Variants in AK9 observed in about 807,000 individuals in gnomAD.
The protein encoded by AK9 is adenylate kinase domain containing 1.
In AK9, 191 loss-of-function variants were observed where a neutral mutation model predicts 239.6. The ratio of observed to expected loss-of-function variants is 0.80; its 90% confidence interval spans 0.71 to 0.90. The LOEUF is 0.90. AK9 is among the 40% of genes least tolerant of loss of function. The pLI, the probability that AK9 is intolerant of heterozygous loss-of-function variation, is 0.00. For missense variants in AK9, 1,995 were observed against 2,214.7 expected (o/e 0.90, Z 1.99); for synonymous variants, 689 against 721.0 (o/e 0.96, Z 0.71).
intron 17 of AK9, among the ~76,000 whole-genome samples, chr6:109,592,980 T>G (rs1790490200): frequency 6.6e-6 from 1 of 152,160 alleles, no homozygotes; most frequent in East Asian, 1.9e-4. Flanking sequence ...TTTTACTTTT[T>G]CTTCTTCTCC....
At chr6:109,686,844 C>T (rs1025746772) in intron 1 of AK9, among the ~76,000 whole-genome samples, 6 of 152,190 alleles carry the variant, frequency 3.9e-5, no homozygotes, top group Non-Finnish European at 7.3e-5. Flanking sequence ...AAGTCAAGTC[C>T]TAAAGTCAGG....
chr6:109,685,440 G>A (rs1773364043), intron 1 of AK9, among the ~76,000 whole-genome samples: 1 of 152,190 alleles, frequency 6.6e-6, no homozygotes, highest in African/African-American at 2.4e-5. Flanking sequence ...GGACATGGAT[G>A]AAGCTGGAAA....
chr6:109,608,824 C>G (rs1793235772), intron 17 of AK9, among the ~76,000 whole-genome samples: 2 of 151,988 alleles, frequency 1.3e-5, no homozygotes, highest in Admixed American at 6.6e-5. Flanking sequence ...AATACATAAA[C>G]AACACATGAA....
intron 17 of AK9, 133 bp from the exon 18 acceptor site, chr6:109,586,205 A>G (rs1387708104): frequency 1.2e-6 from 1 of 825,554 alleles, no homozygotes; most frequent in Non-Finnish European, 1.8e-6. Context: ...AAAGGGTGAC[A>G]ATTTTTAAAG....
Position 109,497,326 on chromosome 6 carries a change from TCACACACACACACA to T in AK9, c.5315+125_5315+138del, listed in dbSNP as rs141968479. Reference sequence around the variant, plus strand: ...TGGGATGGCAGGGACCAGTGCTTGTTCACACACACACACACACACACACACACACACACACACTC... The same window carrying T: ...TGGGATGGCAGGGACCAGTGCTTGTTCACACACACACACACACACACACTC... On this transcript the variant is annotated intron_variant, in intron 38 of 40. Transcript: ENST00000424296. 1,243 of 421,794 alleles carry T rather than the reference TCACACACACACACA, an allele frequency of 2.9e-3. 15 individuals are homozygous for T. The highest frequency in any genetic ancestry group is 0.029 in the African/African-American group (1,116 of 37,926). The allele number at this position is 421,794 out of a possible 1,614,324, so 26.1% of individuals were successfully genotyped here.
At chr6:109,621,860 T>G (rs1231848780) in intron 12 of AK9, among the ~76,000 whole-genome samples, 1 of 112,012 alleles carries the variant, frequency 8.9e-6, no homozygotes, top group Admixed American at 1.2e-4. Context: ...ACCTGCACAA[T>G]GTGCACATGT....
At position 109,556,193 on chromosome 6, in the gene AK9, T is replaced by C. The variant is rs865965226; in HGVS notation, c.2752-5891A>G. Among the ~76,000 whole-genome samples the C allele has an allele frequency of 2.6e-5, 4 of 152,346 alleles. No individual in the cohort carries two copies. In the South Asian group the frequency reaches 8.3e-4, roughly 32 times the overall value. On this transcript the variant is annotated intron_variant, in intron 24 of 40. Coordinates refer to ENST00000424296, the MANE Select transcript of AK9 (RefSeq NM_001145128.3). ...ATTTAGTGCTTCTTTCAGGAGCTCT[T>C]GCAGGGCAGGCCTGGAGGTAATGAA...
At chr6:109,579,380 C>A in intron 20 of AK9, 170 bp downstream of exon 20, 1 of 586,284 alleles carries the variant, frequency 1.7e-6, no homozygotes, top group Non-Finnish European at 3.0e-6. Context: ...AACTGGAACA[C>A]TTTAAGAATA....
chr6:109,592,851 G>A (rs1790472844), intron 17 of AK9, among the ~76,000 whole-genome samples: 1 of 151,988 alleles, frequency 6.6e-6, no homozygotes, highest in South Asian at 2.1e-4. Flanking sequence ...CCTTGGTGAG[G>A]TACTTCTTGC....
chr6:109,625,500 T>C (rs1562512246), intron 12 of AK9, among the ~76,000 whole-genome samples: 1 of 152,236 alleles, frequency 6.6e-6, no homozygotes, highest in South Asian at 2.1e-4. Flanking sequence ...GAGCGGTCGA[T>C]GAGCGTTACT....
intron 24 of AK9, among the ~76,000 whole-genome samples, chr6:109,562,361 T>C (rs1242816098): frequency 6.6e-6 from 1 of 152,252 alleles, no homozygotes; most frequent in African/African-American, 2.4e-5. Flanking sequence ...TAGGTATTTA[T>C]TATATCTTCT....
chr6:109,526,225 C>G (rs1266953668), intron 29 of AK9, among the ~76,000 whole-genome samples: 1 of 151,994 alleles, frequency 6.6e-6, no homozygotes, highest in South Asian at 2.1e-4. Flanking sequence ...GTACACCAAA[C>G]CCCGGCAACA....
At chr6:109,578,558 C>T (rs545085046) in intron 20 of AK9, among the ~76,000 whole-genome samples, 32 of 151,582 alleles carry the variant, frequency 2.1e-4, no homozygotes, top group African/African-American at 7.7e-4. Context: ...TTCTTTTCTT[C>T]TGTTTTGGGG....
intron 17 of AK9, among the ~76,000 whole-genome samples, chr6:109,606,911 G>C (rs1177988188): frequency 1.3e-5 from 2 of 152,092 alleles, no homozygotes; most frequent in African/African-American, 4.8e-5. Flanking sequence ...ATATTTTTAA[G>C]GCTTTAAAAT....
rs1008631644 is a variant in AK9, at chr6:109,509,391, T to G, written c.4280-11A>C. 1.9e-6 allele frequency: 3 copies of G among 1,540,706 alleles called. No individual in the cohort carries two copies. Among genetic ancestry groups the G allele is most frequent in the Non-Finnish European group, 2.6e-6 (3 of 1,138,710 alleles). ...TAATTTTTTTGGCAACTGAAAAACA[T>G]AAAACTTTTAAATTAAATTAAATGA... On this transcript the variant is annotated splice_polypyrimidine_tract_variant and intron_variant, in intron 32 of 40. Transcript: ENST00000424296.
At chr6:109,591,973 G>A (rs567290486) in intron 17 of AK9, among the ~76,000 whole-genome samples, 90 of 152,120 alleles carry the variant, frequency 5.9e-4, no homozygotes, top group Admixed American at 1.6e-3. Context: ...TATAAAAACT[G>A]GTCTTGGAGT....
At chr6:109,543,861 G>C (rs1783196373) in intron 26 of AK9, among the ~76,000 whole-genome samples, 1 of 152,120 alleles carries the variant, frequency 6.6e-6, no homozygotes, top group Non-Finnish European at 1.5e-5. Context: ...GCTCACGCCT[G>C]TAATCCCAGC....
intron 29 of AK9, among the ~76,000 whole-genome samples, chr6:109,521,193 T>C (rs963824332): frequency 1.3e-5 from 2 of 152,088 alleles, no homozygotes; most frequent in Non-Finnish European, 2.9e-5. Flanking sequence ...AAATGTGTGT[T>C]TTTTCTATAG....
At chr6:109,585,585 TGAA>T (rs1293451699) in intron 18 of AK9, among the ~76,000 whole-genome samples, 4 of 152,298 alleles carry the variant, frequency 2.6e-5, no homozygotes, top group East Asian at 3.9e-4. Flanking sequence ...CTACTTGAGG[TGAA>T]GAAGAACTAA....
Sources: allele counts gnomAD v4.1 joint callset (sites outside exome capture counted in the v4.1 genomes callset), GRCh38; gene constraint gnomAD v4.1.1; transcripts MANE v1.5; gene names NCBI Gene and HGNC (gene_info 2026-07-23, HGNC 2026-07-21).